DACH1: variants seen among roughly 807,000 people sequenced by gnomAD.
DACH1 encodes dachshund homolog 1.
In DACH1, 12 loss-of-function variants were observed where a neutral mutation model predicts 54.2. That is an observed-to-expected ratio of 0.22 (90% confidence interval 0.14 to 0.36). DACH1 has a LOEUF of 0.36. Ranked by LOEUF, DACH1 falls within the 10% of genes least tolerant of loss-of-function variation. The pLI is 1.00. For synonymous variants in DACH1, 386 were observed against 366.2 expected (o/e 1.05, Z -0.62); for missense variants, 805 against 929.8 (o/e 0.87, Z 1.75).
intron 6 of DACH1, among the ~76,000 whole-genome samples, chr13:71,492,614 G>A (rs1231418397): frequency 6.6e-6 from 1 of 151,940 alleles, no homozygotes; most frequent in African/African-American, 2.4e-5. Flanking sequence ...CCAGGGTTAA[G>A]GTCATTTGTT....
chr13:71,811,456 AT>A (rs1887706528), intron 1 of DACH1, among the ~76,000 whole-genome samples: 1 of 152,118 alleles, frequency 6.6e-6, no homozygotes, highest in Non-Finnish European at 1.5e-5. Flanking sequence ...TTCCATCACG[AT>A]TTATGAACTA....
Position 71,675,451 on chromosome 13 carries a change from C to T in DACH1, c.964+6344G>A, listed in dbSNP as rs535523227. The stretch of plus-strand genomic sequence containing the variant: ...GCCAAAAGACATCCAGCTAGCACGC[C>T]GCATACGTGGAGAACGTGCTTAAGA... On this transcript the variant is annotated intron_variant, in intron 2 of 10. Transcript: ENST00000613252. 49 of 1,446,996 alleles carry T rather than the reference C, an allele frequency of 3.4e-5. 2 individuals carry two copies. The highest frequency in any genetic ancestry group is 3.0e-4 in the East Asian group (13 of 42,784). The allele number at this position is 1,446,996 out of a possible 1,614,324, so 89.6% of individuals were successfully genotyped here.
chr13:71,727,483 A>T (rs1883524869), intron 1 of DACH1, among the ~76,000 whole-genome samples: 1 of 152,062 alleles, frequency 6.6e-6, no homozygotes, highest in Admixed American at 6.6e-5. Context: ...ATACTTCTTC[A>T]TGTCTGAGTG....
intron 1 of DACH1, among the ~76,000 whole-genome samples, chr13:71,704,962 A>AAAAATAAAATACAAAAAT (rs1882359851): frequency 6.6e-6 from 1 of 152,216 alleles, no homozygotes; most frequent in South Asian, 2.1e-4. Flanking sequence ...AAATAATTAA[A>AAAAATAAAATACAAAAAT]AAAATAAAAT....
intron 10 of DACH1, among the ~76,000 whole-genome samples, chr13:71,445,007 C>T (rs942922882): frequency 6.6e-6 from 1 of 152,130 alleles, no homozygotes; most frequent in African/African-American, 2.4e-5. Context: ...CTCCTCAATA[C>T]TATCACCCTA....
chr13:71,767,236 T>C, intron 1 of DACH1, among the ~76,000 whole-genome samples: 1 of 152,190 alleles, frequency 6.6e-6, no homozygotes, highest in East Asian at 1.9e-4. Context: ...CATATAATTT[T>C]TGAGAAAACA....
chr13:71,710,971 T>A (rs917227493), intron 1 of DACH1, among the ~76,000 whole-genome samples: 17 of 152,132 alleles, frequency 1.1e-4, no homozygotes, highest in Admixed American at 3.3e-4. Flanking sequence ...CATGAATGGA[T>A]CAAACAATAC....
At chr13:71,487,495 C>T (rs527750259) in intron 7 of DACH1, among the ~76,000 whole-genome samples, 1 of 151,962 alleles carries the variant, frequency 6.6e-6, no homozygotes, top group African/African-American at 2.4e-5. Context: ...ATTTCTGGTC[C>T]GTAGAGTGTG....
chr13:71,675,019 G>A, intron 2 of DACH1: 3 of 596,880 alleles, frequency 5.0e-6, no homozygotes, highest in Non-Finnish European at 8.4e-6. Context: ...CGCTCGCCGA[G>A]CTCCAGCCGA....
intron 8 of DACH1, among the ~76,000 whole-genome samples, chr13:71,477,201 A>G (rs1877640855): frequency 7.2e-6 from 1 of 139,338 alleles, no homozygotes; most frequent in Non-Finnish European, 1.5e-5. Flanking sequence ...GCTCACTGAA[A>G]GCTCTGCCTC....
At chr13:71,543,671 T>C (rs1358788816) in intron 6 of DACH1, among the ~76,000 whole-genome samples, 1 of 152,076 alleles carries the variant, frequency 6.6e-6, no homozygotes, top group Non-Finnish European at 1.5e-5. Context: ...CTGCCTTGAT[T>C]TGGATATTTT....
At chr13:71,684,673 G>A (rs563264373) in intron 1 of DACH1, among the ~76,000 whole-genome samples, 3 of 152,042 alleles carry the variant, frequency 2.0e-5, no homozygotes, top group Admixed American at 6.6e-5. Context: ...TGCAATAATC[G>A]GATTATTTGC....
chr13:71,751,855 T>C (rs915190505), intron 1 of DACH1, among the ~76,000 whole-genome samples: 1 of 152,170 alleles, frequency 6.6e-6, no homozygotes, highest in African/African-American at 2.4e-5. Context: ...CAAAAACTTA[T>C]ACACTCCTTG....
intron 1 of DACH1, among the ~76,000 whole-genome samples, chr13:71,694,410 A>G (rs1221801308): frequency 6.6e-6 from 1 of 152,216 alleles, no homozygotes; most frequent in East Asian, 1.9e-4. Flanking sequence ...GGCTGTTTCC[A>G]GCCTGCAGAG....
chr13:71,559,217 G>A (rs1329339887), intron 5 of DACH1, among the ~76,000 whole-genome samples: 2 of 151,976 alleles, frequency 1.3e-5, no homozygotes, highest in African/African-American at 4.8e-5. Context: ...ATAACACACA[G>A]CCCTACTTTC....
intron 3 of DACH1, among the ~76,000 whole-genome samples, chr13:71,612,704 C>T (rs1405998495): frequency 1.3e-5 from 2 of 152,104 alleles, no homozygotes; most frequent in African/African-American, 4.8e-5. Flanking sequence ...TAAATGTAGA[C>T]GTGCATTGTA....
chr13:71,540,989 T>C (rs1446104002), intron 6 of DACH1, among the ~76,000 whole-genome samples: 2 of 151,934 alleles, frequency 1.3e-5, no homozygotes, highest in African/African-American at 4.8e-5. Flanking sequence ...ATGTTTTTTA[T>C]TTTATGTATT....
intron 7 of DACH1, among the ~76,000 whole-genome samples, chr13:71,488,555 C>A (rs1392238688): frequency 6.6e-6 from 1 of 151,888 alleles, no homozygotes; most frequent in Non-Finnish European, 1.5e-5. Flanking sequence ...TTTTTGGATT[C>A]TTCTAAATTA....
chr13:71,453,649 A>G (rs2138122323), intron 10 of DACH1, among the ~76,000 whole-genome samples: 1 of 152,250 alleles, frequency 6.6e-6, no homozygotes, highest in Admixed American at 6.5e-5. Flanking sequence ...CTCCAACATG[A>G]CTAATTTGTT....
Sources: gnomAD v4.1 joint callset for allele counts (sites outside exome capture counted in the v4.1 genomes callset) on GRCh38, gnomAD v4.1.1 for gene constraint, MANE v1.5 for transcripts, NCBI Gene and HGNC (gene_info 2026-07-23, HGNC 2026-07-21) for gene names.